MGLL: variants seen among roughly 807,000 people sequenced by gnomAD.
The protein encoded by MGLL is lysophospholipase homolog.
MGLL carries 7 observed loss-of-function variants against 29.1 expected under a neutral mutation model. The observed-to-expected ratio is 0.24, with a 90% CI of 0.14 to 0.45. MGLL has a LOEUF of 0.45. Among genes scored for constraint, MGLL ranks in the 20% least tolerant of loss-of-function variants. MGLL has a pLI of 0.99. For missense variants in MGLL, 356 were observed against 413.6 expected (o/e 0.86, Z 1.21); for synonymous variants, 148 against 168.3 (o/e 0.88, Z 0.93).
At chr3:127,729,418 C>A (rs574024101) in intron 3 of MGLL, among the ~76,000 whole-genome samples, 2 of 152,104 alleles carry the variant, frequency 1.3e-5, no homozygotes, top group Non-Finnish European at 2.9e-5. Flanking sequence ...GAATCTTTGA[C>A]CCATTTGAAT....
At chr3:127,759,992 T>C (rs2076734696) in intron 3 of MGLL, among the ~76,000 whole-genome samples, 1 of 152,226 alleles carries the variant, frequency 6.6e-6, no homozygotes, top group Non-Finnish European at 1.5e-5. Flanking sequence ...ACATTGACTG[T>C]CTTTGCGGGC....
chr3:127,816,690 C>T, intron 2 of MGLL, among the ~76,000 whole-genome samples: 1 of 152,202 alleles, frequency 6.6e-6, no homozygotes, highest in East Asian at 1.9e-4. Context: ...TGGCACTGCC[C>T]ATTGCTGTAG....
At chr3:127,711,809 T>G (rs2075720192) in intron 5 of MGLL, 1 of 151,622 alleles carries the variant, frequency 6.6e-6, no homozygotes, top group African/African-American at 2.4e-5. Context: ...CTGCAACCTC[T>G]GCCTCCTGGG....
At chr3:127,771,236 A>G (rs553674753) in intron 3 of MGLL, among the ~76,000 whole-genome samples, 8 of 152,350 alleles carry the variant, frequency 5.3e-5, no homozygotes, top group Admixed American at 2.6e-4. Flanking sequence ...CAACAGGAGC[A>G]GAGGCAGCTG....
chr3:127,792,112 C>T (rs923463421), intron 2 of MGLL, among the ~76,000 whole-genome samples: 1 of 152,202 alleles, frequency 6.6e-6, no homozygotes, highest in Non-Finnish European at 1.5e-5. Flanking sequence ...CCCCAGAGGC[C>T]ACTCACTAAG....
intron 6 of MGLL, among the ~76,000 whole-genome samples, chr3:127,706,581 G>A (rs893742025): frequency 7.9e-5 from 12 of 152,158 alleles, no homozygotes; most frequent in South Asian, 6.2e-4. Flanking sequence ...ACGCTCCCTC[G>A]CCACCACCCC....
At chr3:127,694,235 A>C (rs1251977481) in intron 7 of MGLL, among the ~76,000 whole-genome samples, 1 of 141,388 alleles carries the variant, frequency 7.1e-6, no homozygotes, top group African/African-American at 2.7e-5. Context: ...GCGCCGCTGC[A>C]CTCCAGCCTG....
intron 5 of MGLL, among the ~76,000 whole-genome samples, chr3:127,714,701 G>T (rs1051792233): frequency 5.3e-5 from 8 of 152,200 alleles, no homozygotes; most frequent in Non-Finnish European, 8.8e-5. Context: ...ATAGATGGCT[G>T]CTGAAGCCCT....
chr3:127,806,371 G>A (rs1042703716), intron 2 of MGLL, among the ~76,000 whole-genome samples: 6 of 152,202 alleles, frequency 3.9e-5, no homozygotes, highest in Non-Finnish European at 2.9e-5. Flanking sequence ...TGACACTGAC[G>A]GATGTATGGA....
intron 2 of MGLL, among the ~76,000 whole-genome samples, chr3:127,806,999 A>G (rs979735496): frequency 6.6e-6 from 1 of 152,210 alleles, no homozygotes; most frequent in African/African-American, 2.4e-5. Context: ...CTGGGTAATA[A>G]TGACCACTTA....
At chr3:127,695,249 GCC>G (rs1163449407) in intron 6 of MGLL, 59 bp from the exon 7 acceptor site, 1 of 1,525,176 alleles carries the variant, frequency 6.6e-7, no homozygotes, top group Non-Finnish European at 9.1e-7. Context: ...CATAAGCCAG[GCC>G]TATTTCCTGG....
chr3:127,779,855 C>G (rs796541061), intron 3 of MGLL, among the ~76,000 whole-genome samples: 4 of 152,322 alleles, frequency 2.6e-5, no homozygotes, highest in African/African-American at 7.2e-5. Flanking sequence ...GCATCGCCAG[C>G]CTGCACAAGA....
upstream of MGLL, chr3:127,822,535 A>G: frequency 1.7e-6 from 1 of 596,390 alleles, no homozygotes; most frequent in South Asian, 2.0e-5. Flanking sequence ...CTCCCTCCCC[A>G]GGGCGGGGAG....
intron 1 of MGLL, 183 bp from the exon 2 acceptor site, chr3:127,822,021 A>T: frequency 1.4e-6 from 1 of 714,404 alleles, no homozygotes. Flanking sequence ...GAAAAATCCC[A>T]TTTGTTCTTA....
chr3:127,698,477 A>G (rs1162400382), intron 6 of MGLL, among the ~76,000 whole-genome samples: 1 of 152,202 alleles, frequency 6.6e-6, no homozygotes, highest in Non-Finnish European at 1.5e-5. Context: ...TAGGGACCAG[A>G]GTCAGTCCCC....
At position 127,692,094 on chromosome 3, in the gene MGLL, ATTTTTTTTT is replaced by A; in HGVS notation, c.*95_*103del. The A allele has an allele frequency of 1.4e-6, 1 of 706,640 alleles. No individual in the cohort carries two copies. Among genetic ancestry groups the A allele is most frequent in the East Asian group, 4.0e-5 (1 of 24,834 alleles). The allele number at this position is 706,640 out of a possible 1,614,324, so 43.8% of individuals were successfully genotyped here. ...GTGCTAAGGATTTCTCCAATTTCTG[ATTTTTTTTT>A]TTTTTTTTTTTTGGCAAGCCATATC... On this transcript the variant is annotated 3_prime_UTR_variant, in exon 8 of 8. Transcript: ENST00000265052.
chr3:127,809,524 G>C (rs140164746), intron 2 of MGLL, among the ~76,000 whole-genome samples: 8 of 152,282 alleles, frequency 5.3e-5, no homozygotes, highest in African/African-American at 1.4e-4. Context: ...TACTCAGGAG[G>C]CTGAGGTGGG....
rs1442033621 is a variant in MGLL, at chr3:127,695,140, C to T, written c.651G>A (p.Val217=). Residue 217 remains valine, a synonymous_variant, in exon 7 of 8, where the codon GTG becomes GTA. Coordinates refer to ENST00000265052, the MANE Select transcript of MGLL (RefSeq NM_007283.7). ...CATTCAGCAGTTGGATGCCGAAGCA[C>T]ACCTTCAGCCCTGCCCGGCAGATCA... The part of the protein sequence containing the change: ...DPLICRAGLK[V]CFGIQLLNAV... 3 of 1,614,214 alleles carry T rather than the reference C, an allele frequency of 1.9e-6. No individual in the cohort carries two copies. The highest frequency in any genetic ancestry group is 4.5e-5 in the East Asian group (2 of 44,888).
intron 3 of MGLL, among the ~76,000 whole-genome samples, chr3:127,735,044 T>TG (rs2107646917): frequency 6.6e-6 from 1 of 152,312 alleles, no homozygotes; most frequent in South Asian, 2.1e-4. Flanking sequence ...GAGCCCGACG[T>TG]GGGAGTCTTG....
Sources: gnomAD v4.1 joint callset for allele counts (sites outside exome capture counted in the v4.1 genomes callset) on GRCh38, gnomAD v4.1.1 for gene constraint, MANE v1.5 for transcripts, NCBI Gene and HGNC (gene_info 2026-07-23, HGNC 2026-07-21) for gene names.